CEP295: variants seen among roughly 807,000 people sequenced by gnomAD.
CEP295 encodes the protein centrosomal protein 295, also known as centrosomal protein of 295 kDa.
A neutral mutation model predicts 291.6 loss-of-function variants in CEP295; 190 were observed. That is an observed-to-expected ratio of 0.65 (90% CI 0.58 to 0.73). The LOEUF (loss-of-function observed/expected upper bound fraction) is 0.73, where lower values mean the gene tolerates loss of function less well. CEP295 is among the 30% of genes least tolerant of loss of function. CEP295 has a pLI of 0.00. For missense variants in CEP295, 2,863 were observed against 2,949.4 expected (o/e 0.97, Z 0.68); for synonymous variants, 993 against 1,038.8 (o/e 0.96, Z 0.85).
intron 10 of CEP295, among the ~76,000 whole-genome samples, chr11:93,688,207 G>C (rs529729260): frequency 2.0e-5 from 3 of 152,042 alleles, no homozygotes; most frequent in Non-Finnish European, 4.4e-5. Context: ...TATTTCCTTA[G>C]GAAGGACTCT....
At chr11:93,717,966 C>T (rs1204523947) in intron 18 of CEP295, among the ~76,000 whole-genome samples, 1 of 152,190 alleles carries the variant, frequency 6.6e-6, no homozygotes, top group Non-Finnish European at 1.5e-5. Flanking sequence ...GGCTAGAGTG[C>T]AGTGGCACAA....
At chr11:93,669,595 C>T in intron 4 of CEP295, 82 bp from the exon 5 acceptor site, 1 of 866,132 alleles carries the variant, frequency 1.2e-6, no homozygotes, top group South Asian at 1.6e-5. Flanking sequence ...TTTCTTGAGC[C>T]TATGACTTAC....
At chr11:93,728,995 T>C (rs1415226109) in intron 25 of CEP295, 174 bp downstream of exon 25, 5 of 577,610 alleles carry the variant, frequency 8.7e-6, no homozygotes, top group African/African-American at 1.9e-5. Context: ...TCAACCATTG[T>C]GCATTTTCTT....
intron 22 of CEP295, 110 bp downstream of exon 22, chr11:93,724,485 G>A: frequency 1.8e-6 from 2 of 1,121,998 alleles, no homozygotes; most frequent in Non-Finnish European, 2.6e-6. Flanking sequence ...TCACATGGAA[G>A]TCTGGGCACA....
intron 12 of CEP295, among the ~76,000 whole-genome samples, chr11:93,692,863 C>T (rs896048408): frequency 4.0e-5 from 6 of 150,940 alleles, no homozygotes; most frequent in African/African-American, 7.3e-5. Flanking sequence ...GTCCCACCTA[C>T]CCAGGATGCT....
Position 93,725,678 on chromosome 11 carries a change from T to C in CEP295, c.6346T>C (p.Cys2116Arg). 6.5e-7 allele frequency: 1 copy of C among 1,545,812 alleles called. No individual in the cohort carries two copies. The highest frequency in any genetic ancestry group is 1.2e-5 in the South Asian group (1 of 82,214). ...ATCAGATTCTTCATCTGAAAGCCAC[T>C]GTGCTACTGGATTATCCAAAAGTAC... Reference protein sequence around the residue: ...QRSDSSSESHCATGLSKSTVY... With the variant: ...QRSDSSSESHRATGLSKSTVY... The change falls in exon 23 of 30, where the codon TGT becomes CGT. Residue 2116 changes from cysteine (C) to arginine (R), a missense_variant. Cys to Arg is a radical substitution (Grantham distance 180). This residue lies in a region of CEP295 where 2,295 missense variants were observed against 2,335.7 expected (regional missense o/e 0.98). Coordinates refer to ENST00000325212, the MANE Select transcript of CEP295 (RefSeq NM_033395.2).
At chr11:93,716,190 T>A (rs915901068) in intron 18 of CEP295, among the ~76,000 whole-genome samples, 1 of 152,122 alleles carries the variant, frequency 6.6e-6, no homozygotes, top group Admixed American at 6.6e-5. Context: ...AGTGGATACT[T>A]CCCCTCTGGC....
At position 93,699,303 on chromosome 11, in the gene CEP295, A is replaced by G. The variant is rs771697665; in HGVS notation, c.4391A>G (p.His1464Arg). 26 of 1,551,978 alleles carry G rather than the reference A, an allele frequency of 1.7e-5. No individual in the cohort carries two copies. The highest frequency in any genetic ancestry group is 1.1e-4 in the African/African-American group (8 of 73,052). Residue 1464 changes from histidine to arginine, a missense_variant, in exon 15 of 30, where the codon CAT (histidine) becomes CGT (arginine). Physicochemically the swap from His to Arg is conservative, Grantham distance 29 (BLOSUM62 0). Coordinates refer to ENST00000325212, the MANE Select transcript of CEP295 (RefSeq NM_033395.2). ...DNLIALEEHL[H>R]AQTDFLPSIE... Reference sequence around the variant, plus strand: ...TTGATTGCACTTGAAGAACACTTGCATGCACAGACAGATTTCCTTCCTTCT... The same window carrying G: ...TTGATTGCACTTGAAGAACACTTGCGTGCACAGACAGATTTCCTTCCTTCT...
intron 15 of CEP295, among the ~76,000 whole-genome samples, chr11:93,700,828 C>T (rs907383732): frequency 2.0e-5 from 3 of 152,118 alleles, no homozygotes; most frequent in African/African-American, 7.2e-5. Flanking sequence ...TTCTCTTATG[C>T]AGCAACAGAC....
In CEP295 at chr11:93,683,692, G is replaced by A; in HGVS notation, c.899G>A (p.Trp300Ter). Residue 300 changes from tryptophan (W) to a stop codon, truncating the protein, a stop_gained, in exon 8 of 30, where the codon TGG becomes TAG. Transcript: ENST00000325212. LOFTEE classifies it high-confidence loss of function. ...AAACGCAGTGAAATGAAAGAAGACT[G>A]GCAGAGAGAATTGGAATTTGCCTTT... is the stretch of plus-strand genomic sequence containing the variant. ...PYKRSEMKEDWQRELEFAFED... is the reference protein window; with the variant it reads ...PYKRSEMKED 1 of 1,547,298 alleles carries A rather than the reference G, an allele frequency of 6.5e-7. No homozygotes were observed. Among genetic ancestry groups the A allele is most frequent in the African/African-American group, 1.4e-5 (1 of 72,828 alleles).
At chr11:93,692,115 A>G (rs1444770545) in intron 12 of CEP295, 85 bp downstream of exon 12, 1 of 707,368 alleles carries the variant, frequency 1.4e-6, no homozygotes, top group Non-Finnish European at 2.4e-6. Context: ...ATTTGTCTTA[A>G]TGTCTGGCTA....
chr11:93,683,649 C>A lies in CEP295; in HGVS notation c.856C>A (p.Leu286Ile). The change falls in exon 8 of 30, where the codon CTA becomes ATA. Residue 286 changes from leucine (L) to isoleucine (I), a missense_variant. This residue lies in a region of CEP295 where 554 missense variants were observed against 576.0 expected (regional missense o/e 0.96). Transcript: ENST00000325212. ...GACTGTAGCACAAATGCCACCACAA[C>A]TAGTTGAACTTCCATACAAACGCAG... ...RQTVAQMPPQ[L>I]VELPYKRSEM... 3 of 1,549,994 alleles carry A rather than the reference C, an allele frequency of 1.9e-6. No individual in the cohort carries two copies. Among genetic ancestry groups the A allele is most frequent in the Non-Finnish European group, 2.6e-6 (3 of 1,146,600 alleles).
At chr11:93,712,967 A>G (rs1172885171) in intron 18 of CEP295, among the ~76,000 whole-genome samples, 1 of 141,954 alleles carries the variant, frequency 7.0e-6, no homozygotes, top group Non-Finnish European at 1.5e-5. Context: ...TATCTGTTGT[A>G]TGTTTTTAAA....
At chr11:93,706,964 T>C in intron 18 of CEP295, 67 bp downstream of exon 18, 1 of 1,336,710 alleles carries the variant, frequency 7.5e-7, no homozygotes, top group Non-Finnish European at 1.0e-6. Context: ...TTTATTATTT[T>C]GTTATTTGTA....
At chr11:93,725,618 G>A in intron 22 of CEP295, 33 bp from the exon 23 acceptor site, 1 of 1,502,514 alleles carries the variant, frequency 6.7e-7, no homozygotes, top group Non-Finnish European at 8.9e-7. Context: ...TACCTAATCA[G>A]TATTTCAGCC....
chr11:93,683,953 TC>T lies in CEP295; in HGVS notation c.950-10del. The T allele has an allele frequency of 6.5e-7, 1 of 1,537,972 alleles. No homozygotes were observed. Among genetic ancestry groups the T allele is most frequent in the Non-Finnish European group, 8.7e-7 (1 of 1,143,862 alleles). On this transcript the variant is annotated splice_polypyrimidine_tract_variant and intron_variant, in intron 8 of 29. Transcript: ENST00000325212. ...TGGAATGGAAACGTGTCTCTATTTT[TC>T]TTTTTTAAGAGGTGAAAGGGAATCT...
At chr11:93,729,224 G>A (rs1368490370) in intron 25 of CEP295, 6 of 591,740 alleles carry the variant, frequency 1.0e-5, no homozygotes, top group Non-Finnish European at 1.8e-5. Flanking sequence ...TGGAGCCTAA[G>A]CCCAGTTCAA....
chr11:93,685,281 A>G (rs187582494), intron 9 of CEP295, among the ~76,000 whole-genome samples: 2 of 152,128 alleles, frequency 1.3e-5, no homozygotes, highest in Non-Finnish European at 2.9e-5. Context: ...CACTGTGAAC[A>G]TAGCCTTTTG....
intron 18 of CEP295, among the ~76,000 whole-genome samples, chr11:93,712,856 T>TTTG (rs56969423): frequency 0.31 from 45,490 of 148,710 alleles, 7,428 homozygotes; most frequent in Non-Finnish European, 0.36. Context: ...TTTCTTCTGT[T>TTTG]TTGTTGTTGT....
Sources: gnomAD v4.1 joint callset for allele counts (sites outside exome capture counted in the v4.1 genomes callset) on GRCh38, gnomAD v4.1.1 for gene constraint, gnomAD v4.1.1 regional missense constraint, MANE v1.5 for transcripts, NCBI Gene and HGNC (gene_info 2026-07-23, HGNC 2026-07-21) for gene names.